Variants in VCAN observed in about 807,000 individuals in gnomAD.
The protein encoded by VCAN is versican.
In VCAN, 44 loss-of-function variants were observed where a neutral mutation model predicts 245.5. The ratio of observed to expected loss-of-function variants is 0.18; its 90% CI spans 0.14 to 0.23. VCAN has a LOEUF of 0.23. Ranked by LOEUF, VCAN falls within the 10% of genes least tolerant of loss-of-function variation. VCAN has a pLI of 1.00. For synonymous variants in VCAN, 1,413 were observed against 1,437.0 expected, an observed-to-expected ratio of 0.98 and a Z score of 0.38; for missense variants, 3,793 against 4,057.9, an observed-to-expected ratio of 0.93 and a Z score of 1.77.
At position 83,539,978 on chromosome 5, in the gene VCAN, G is replaced by A. The variant is rs774233677; in HGVS notation, c.6975G>A (p.Gly2325=). 3 of 1,613,976 alleles carry A rather than the reference G, an allele frequency of 1.9e-6. No individual in the cohort carries two copies. The highest frequency in any genetic ancestry group is 4.5e-5 in the East Asian group (2 of 44,870). Residue 2325 remains glycine (G), a synonymous_variant, in exon 8 of 15, where the codon GGG becomes GGA. Transcript: ENST00000265077. ...VSQTDIFEGS[G]SVTSTTLIEI... ...AAACAGACATCTTTGAAGGTAGTGG[G>A]TCAGTAACCAGCACAACATTAATAG...
intron 1 of VCAN, among the ~76,000 whole-genome samples, chr5:83,481,276 G>C (rs1291992777): frequency 1.4e-5 from 2 of 140,482 alleles, no homozygotes; most frequent in African/African-American, 5.3e-5. Flanking sequence ...ACGGAGTCTC[G>C]CTCTGTCGCC....
In VCAN at chr5:83,541,999, C is replaced by A; in HGVS notation, c.8996C>A (p.Ser2999Tyr). 1 of 1,612,218 alleles carries A rather than the reference C, an allele frequency of 6.2e-7. No homozygotes were observed. The highest frequency in any genetic ancestry group is 8.5e-7 in the Non-Finnish European group (1 of 1,178,736). The change falls in exon 8 of 15, where the codon TCT (serine) becomes TAT (tyrosine). Residue 2999 changes from serine (S) to tyrosine (Y), a missense_variant. Transcript: ENST00000265077. The part of the protein sequence containing the change: ...GVVPWLSPQT[S>Y]ERPTLSSSPE... The stretch of plus-strand genomic sequence containing the variant: ...GTGCCTTGGCTAAGTCCACAGACTT[C>A]TGAGAGGCCCACGCTTTCTTCTTCT...
At chr5:83,473,887 C>G (rs1275449223) in intron 1 of VCAN, among the ~76,000 whole-genome samples, 18 of 152,098 alleles carry the variant, frequency 1.2e-4, no homozygotes, top group Admixed American at 1.2e-3. Flanking sequence ...GTTTGGAGGA[C>G]CCTGAAAAAA....
At chr5:83,546,522 G>A (rs577307636) in intron 9 of VCAN, among the ~76,000 whole-genome samples, 4 of 151,692 alleles carry the variant, frequency 2.6e-5, no homozygotes, top group East Asian at 1.9e-4. Flanking sequence ...TTGGGAGGGC[G>A]AGGTGGGCGA....
In VCAN at chr5:83,537,774, G is replaced by T. The variant is rs769969666; in HGVS notation, c.4771G>T (p.Ala1591Ser). 1 of 1,613,970 alleles carries T rather than the reference G, an allele frequency of 6.2e-7. No individual in the cohort carries two copies. Among genetic ancestry groups the T allele is most frequent in the Non-Finnish European group, 8.5e-7 (1 of 1,179,964 alleles). ...CACTCCCACTATAGTTCCAAGTTCT[G>T]CATCAGCATATGTTTCAGAGGAAGA... ...TYTPTIVPSS[A>S]SAYVSEEEAV... Residue 1591 changes from alanine (A) to serine (S), a missense_variant, in exon 8 of 15, where the codon GCA becomes TCA. Physicochemically the swap from Ala to Ser is moderately conservative, Grantham distance 99. Around this residue, in one of 5 missense-constraint regions of VCAN, gnomAD observed 3,182 missense variants for 3,250.3 expected, o/e 0.98. Transcript: ENST00000265077.
intron 12 of VCAN, among the ~76,000 whole-genome samples, chr5:83,555,990 T>A (rs1490841009): frequency 6.6e-6 from 1 of 152,236 alleles, no homozygotes; most frequent in Non-Finnish European, 1.5e-5. Flanking sequence ...TATCTGCCAC[T>A]TGTTTGGATT....
At chr5:83,558,714 G>A (rs1747760645) in intron 12 of VCAN, among the ~76,000 whole-genome samples, 2 of 152,122 alleles carry the variant, frequency 1.3e-5, no homozygotes, top group South Asian at 2.1e-4. Flanking sequence ...GATGTTATTT[G>A]GCTAAGTTAT....
chr5:83,539,177 C>G lies in VCAN; in HGVS notation c.6174C>G (p.Ser2058=), dbSNP rs1451311178. The G allele has an allele frequency of 1.9e-6, 3 of 1,613,936 alleles. No individual in the cohort carries two copies. The highest frequency in any genetic ancestry group is 2.5e-6 in the Non-Finnish European group (3 of 1,179,980). ...VGTVNEIDRR[S]TILPTAEVEG... Reference sequence around the variant, plus strand: ...CTGTCAATGAAATTGATAGAAGATCCACCATTTTACCAACAGCAGAAGTGG... The same window carrying G: ...CTGTCAATGAAATTGATAGAAGATCGACCATTTTACCAACAGCAGAAGTGG... The change falls in exon 8 of 15, where the codon TCC becomes TCG. Residue 2058 remains serine, a synonymous_variant. Transcript: ENST00000265077.
In VCAN at chr5:83,519,899, T is replaced by G. The variant is rs201849135; in HGVS notation, c.1593T>G (p.Thr531=). Residue 531 remains threonine, a synonymous_variant, in exon 7 of 15, where the codon ACT becomes ACG. Transcript: ENST00000265077. ...VTARMILESK[T]EKKMVSTVSE... is the part of the protein sequence containing the mutation. Reference sequence around the variant, plus strand: ...CAAGAATGATCCTGGAATCCAAAACTGAAAAGAAAATGGTAAGCACTGTTT... The same window carrying G: ...CAAGAATGATCCTGGAATCCAAAACGGAAAAGAAAATGGTAAGCACTGTTT... The G allele has an allele frequency of 6.2e-7, 1 of 1,614,046 alleles. No individual in the cohort carries two copies. Among genetic ancestry groups the G allele is most frequent in the Admixed American group, 1.7e-5 (1 of 60,008 alleles).
In VCAN at chr5:83,522,313, A is replaced by C; in HGVS notation, c.4003+4A>C. ...GAGGTCAGAGAAAATAAGACAGGTA[A>C]GTCTTTGCTTTCTAGACTAGCATTG... On this transcript the variant is annotated splice_donor_region_variant and intron_variant, in intron 7 of 14. Transcript: ENST00000265077. 6.3e-7 allele frequency: 1 copy of C among 1,598,314 alleles called. No individual in the cohort carries two copies. Among genetic ancestry groups the C allele is most frequent in the Non-Finnish European group, 8.5e-7 (1 of 1,179,742 alleles).
intron 1 of VCAN, among the ~76,000 whole-genome samples, chr5:83,480,255 T>C (rs1165726979): frequency 6.6e-6 from 1 of 152,332 alleles, no homozygotes; most frequent in Admixed American, 6.5e-5. Context: ...TGTACCTATG[T>C]AGATGGAGGA....
At chr5:83,484,898 G>A (rs1375849966) in intron 2 of VCAN, among the ~76,000 whole-genome samples, 3 of 152,234 alleles carry the variant, frequency 2.0e-5, no homozygotes, top group Non-Finnish European at 4.4e-5. Context: ...AGACCTGTCT[G>A]TAAGTTAGGA....
chr5:83,574,452 A>T (rs567834471), intron 13 of VCAN, among the ~76,000 whole-genome samples: 74 of 152,348 alleles, frequency 4.9e-4, no homozygotes, highest in African/African-American at 1.8e-3. Context: ...TCCTGACATG[A>T]TATAACTATC....
rs1235783501 is a variant in VCAN at position 83,520,332 on chromosome 5, C to T, written c.2026C>T (p.Leu676=). 6 of 1,613,346 alleles carry T rather than the reference C, an allele frequency of 3.7e-6. No individual in the cohort carries two copies. The highest frequency in any genetic ancestry group is 5.1e-6 in the Non-Finnish European group (6 of 1,179,790). The change falls in exon 7 of 15, where the codon CTA becomes TTA. Residue 676 remains leucine, a synonymous_variant. Transcript: ENST00000265077. ...AATTTCCACAGTTATTTATCCTTCT[C>T]TACAAACAGAAATGACACATAGAAG... is the stretch of plus-strand genomic sequence containing the variant. ...EGISTVIYPS[L]QTEMTHRRER... is the part of the protein sequence containing the mutation.
chr5:83,555,125 GA>G, intron 12 of VCAN, 87 bp downstream of exon 12: 1 of 1,384,376 alleles, frequency 7.2e-7, no homozygotes. Context: ...GGGTGCATTA[GA>G]CTGGAGGCAA....
chr5:83,548,312 C>CAAT (rs1187125676), intron 10 of VCAN, among the ~76,000 whole-genome samples: 3 of 152,182 alleles, frequency 2.0e-5, no homozygotes, highest in East Asian at 1.9e-4. Context: ...GACATCCAGC[C>CAAT]AATAAAAGGA....
chr5:83,525,822 G>A (rs901695452), intron 7 of VCAN, among the ~76,000 whole-genome samples: 15 of 152,152 alleles, frequency 9.9e-5, no homozygotes, highest in African/African-American at 2.4e-4. Flanking sequence ...TATACAAAAA[G>A]CTAAAGGCTT....
chr5:83,572,274 C>G (rs1214393941), intron 12 of VCAN, 142 bp from the exon 13 acceptor site: 1 of 1,010,726 alleles, frequency 9.9e-7, no homozygotes, highest in East Asian at 2.4e-5. Context: ...CAGTCTTTTT[C>G]TGTACCACCA....
intron 11 of VCAN, among the ~76,000 whole-genome samples, chr5:83,554,397 T>G (rs1320472736): frequency 6.6e-6 from 1 of 152,246 alleles, no homozygotes; most frequent in African/African-American, 2.4e-5. Context: ...TAGAGGTTCA[T>G]TTAACTTTAC....
Sources: allele counts gnomAD v4.1 joint callset (sites outside exome capture counted in the v4.1 genomes callset), GRCh38; gene constraint gnomAD v4.1.1; regional missense constraint gnomAD v4.1.1; transcripts MANE v1.5; gene names NCBI Gene and HGNC (gene_info 2026-07-23, HGNC 2026-07-21).